The following GRIK2 variants were observed in gnomAD, a reference collection of about 807,000 sequenced individuals.
The protein encoded by GRIK2 is glutamate receptor ionotropic, kainate 2.
In GRIK2, 32 loss-of-function variants were observed where a neutral mutation model predicts 100.3. The observed-to-expected ratio is 0.32, with a 90% confidence interval of 0.24 to 0.43. The LOEUF is 0.43. Ranked by LOEUF, GRIK2 falls within the 20% of genes least tolerant of loss-of-function variation. The probability of loss-of-function intolerance (pLI) is 1.00; values close to 1 mark genes in which losing one functional copy is unlikely to be tolerated. For synonymous variants in GRIK2, 417 were observed against 389.4 expected, an observed-to-expected ratio of 1.07 and a Z score of -0.83; for missense variants, 843 against 1,114.9, an observed-to-expected ratio of 0.76 and a Z score of 3.47.
intron 7 of GRIK2, among the ~76,000 whole-genome samples, chr6:101,720,926 T>C (rs1774437359): frequency 6.6e-6 from 1 of 152,086 alleles, no homozygotes; most frequent in African/African-American, 2.4e-5. Flanking sequence ...ATGCATTATT[T>C]TGATGTCTAG....
chr6:101,469,782 T>C (rs1216840412), intron 2 of GRIK2, among the ~76,000 whole-genome samples: 1 of 152,168 alleles, frequency 6.6e-6, no homozygotes, highest in African/African-American at 2.4e-5. Flanking sequence ...CATCCCTGAA[T>C]TGCAGGCCTG....
At chr6:101,797,719 A>T (rs138577245) in intron 7 of GRIK2, among the ~76,000 whole-genome samples, 4,758 of 146,810 alleles carry the variant, frequency 0.032, 138 homozygotes, top group African/African-American at 0.078. Flanking sequence ...ATAATAGTTT[A>T]TATTATATAT....
chr6:101,606,743 A>T (rs1779453216), intron 2 of GRIK2, among the ~76,000 whole-genome samples: 1 of 151,986 alleles, frequency 6.6e-6, no homozygotes, highest in Non-Finnish European at 1.5e-5. Flanking sequence ...ATAAAATGCA[A>T]ACAAAAGGTA....
chr6:102,043,389 T>G (rs1243729344), intron 15 of GRIK2, among the ~76,000 whole-genome samples: 1 of 151,716 alleles, frequency 6.6e-6, no homozygotes, highest in Non-Finnish European at 1.5e-5. Flanking sequence ...GTTCCTCTTA[T>G]CTGAGATTTT....
intron 2 of GRIK2, among the ~76,000 whole-genome samples, chr6:101,547,469 C>T (rs954388461): frequency 6.6e-6 from 1 of 152,202 alleles, no homozygotes; most frequent in Admixed American, 6.5e-5. Context: ...TCCTTCCCCA[C>T]TCCCCCTACC....
At chr6:102,052,460 A>G (rs1771249682) in intron 15 of GRIK2, among the ~76,000 whole-genome samples, 1 of 152,162 alleles carries the variant, frequency 6.6e-6, no homozygotes, top group African/African-American at 2.4e-5. Flanking sequence ...GTATATTCAC[A>G]TTCAATGCTG....
At chr6:101,976,806 TAA>T (rs59638071) in intron 14 of GRIK2, among the ~76,000 whole-genome samples, 2 of 144,380 alleles carry the variant, frequency 1.4e-5, no homozygotes, top group African/African-American at 2.5e-5. Flanking sequence ...TTTCATTGTT[TAA>T]AAAAAAAAAA....
chr6:101,510,819 G>T (rs1188122402), intron 2 of GRIK2, among the ~76,000 whole-genome samples: 1 of 150,978 alleles, frequency 6.6e-6, no homozygotes, highest in South Asian at 2.1e-4. Context: ...ACCATGTCTG[G>T]CCAGGAGGAG....
At chr6:101,793,955 G>C (rs1195537483) in intron 7 of GRIK2, among the ~76,000 whole-genome samples, 1 of 152,122 alleles carries the variant, frequency 6.6e-6, no homozygotes, top group East Asian at 1.9e-4. Context: ...GTTGCAGTTT[G>C]ATCTCAGACT....
chr6:101,626,471 G>A lies in GRIK2; in HGVS notation c.375G>A (p.Leu125=), dbSNP rs1345776941. 1 of 1,613,728 alleles carries A rather than the reference G, an allele frequency of 6.2e-7. No homozygotes were observed. Among genetic ancestry groups the A allele is most frequent in the Non-Finnish European group, 8.5e-7 (1 of 1,179,892 alleles). The part of the protein sequence containing the change: ...ANAVQSICNA[L]GVPHIQTRWK... ...CAGTGCAGTCCATCTGCAATGCTCTGGGAGTTCCCCACATACAGACCCGCT... is the reference window on the plus strand; with the variant it reads ...CAGTGCAGTCCATCTGCAATGCTCTAGGAGTTCCCCACATACAGACCCGCT... Residue 125 remains leucine (L), a synonymous_variant, in exon 4 of 17, where the codon CTG becomes CTA. Transcript: ENST00000369134.
At chr6:101,787,832 A>G (rs1394508660) in intron 7 of GRIK2, among the ~76,000 whole-genome samples, 1 of 152,138 alleles carries the variant, frequency 6.6e-6, no homozygotes, top group Non-Finnish European at 1.5e-5. Context: ...GCTAAACTGC[A>G]GTTTTAATCT....
chr6:101,936,517 G>A (rs1790626519), intron 14 of GRIK2, among the ~76,000 whole-genome samples: 1 of 151,956 alleles, frequency 6.6e-6, no homozygotes, highest in Non-Finnish European at 1.5e-5. Context: ...TGATTTATTT[G>A]TGTAGTAAGG....
intron 14 of GRIK2, among the ~76,000 whole-genome samples, chr6:101,956,212 T>C (rs1791927884): frequency 6.6e-6 from 1 of 152,116 alleles, no homozygotes; most frequent in East Asian, 1.9e-4. Context: ...TTCTTTGTTT[T>C]TACCCTTTGG....
chr6:101,975,809 G>GTCTGTCTATCTATCTA (rs141650149), intron 14 of GRIK2, among the ~76,000 whole-genome samples: 7,195 of 147,444 alleles, frequency 0.049, 316 homozygotes, highest in African/African-American at 0.12. Context: ...CTATCTATCT[G>GTCTGTCTATCTATCTA]TCTATCTATC....
intron 2 of GRIK2, among the ~76,000 whole-genome samples, chr6:101,503,600 G>C (rs1773878291): frequency 6.6e-6 from 1 of 152,030 alleles, no homozygotes; most frequent in African/African-American, 2.4e-5. Flanking sequence ...ACATTCTTCT[G>C]GATGTTTTGC....
chr6:102,056,216 A>C (rs77872529), intron 16 of GRIK2, among the ~76,000 whole-genome samples: 3 of 151,956 alleles, frequency 2.0e-5, no homozygotes, highest in Non-Finnish European at 1.5e-5. Context: ...TATAAACTTC[A>C]AAAATATTGA....
intron 2 of GRIK2, among the ~76,000 whole-genome samples, chr6:101,476,985 A>T (rs2518167): frequency 0.74 from 112,737 of 152,066 alleles, 42,544 homozygotes; most frequent in African/African-American, 0.9. Context: ...AGTAGCAAAC[A>T]ATGGTTAATT....
At position 101,484,724 on chromosome 6, in the gene GRIK2, A is replaced by G. The variant is rs141096776; in HGVS notation, c.115+85332A>G. On this transcript the variant is annotated intron_variant, in intron 2 of 16. Coordinates refer to ENST00000369134, the MANE Select transcript of GRIK2 (RefSeq NM_021956.5). Reference sequence around the variant, plus strand: ...GTTATTGGGATTTTCTTCAGGTGTCAGAGAAATTTGAGGTAAAGTACATTT... The same window carrying G: ...GTTATTGGGATTTTCTTCAGGTGTCGGAGAAATTTGAGGTAAAGTACATTT... Among the ~76,000 whole-genome samples, 1,416 of 152,248 alleles carry G rather than the reference A, an allele frequency of 9.3e-3. 12 individuals are homozygous for G. Among genetic ancestry groups the G allele is most frequent in the Middle Eastern group, 0.031 (9 of 294 alleles).
At chr6:101,692,073 G>T (rs1182490838) in intron 7 of GRIK2, among the ~76,000 whole-genome samples, 2 of 138,996 alleles carry the variant, frequency 1.4e-5, no homozygotes, top group South Asian at 2.3e-4. Context: ...AAAAAGCAAT[G>T]GAAATAGAAC....
Sources: gnomAD v4.1 joint callset for allele counts (sites outside exome capture counted in the v4.1 genomes callset) on GRCh38, gnomAD v4.1.1 for gene constraint, MANE v1.5 for transcripts, NCBI Gene and HGNC (gene_info 2026-07-23, HGNC 2026-07-21) for gene names.